The following GDPD2 variants were observed in gnomAD, a reference collection of about 807,000 sequenced individuals.
GDPD2 encodes glycerophosphodiester phosphodiesterase domain containing 2.
GDPD2 carries 23 observed loss-of-function variants against 49.2 expected under a neutral mutation model. That is an observed-to-expected ratio of 0.47 (90% CI 0.34 to 0.66). The LOEUF is 0.66. GDPD2 is among the 30% of genes least tolerant of loss of function. The pLI is 0.01. For missense variants in GDPD2, 338 were observed against 424.7 expected (o/e 0.80, Z 1.79); for synonymous variants, 167 against 171.4 (o/e 0.97, Z 0.20).
intron 12 of GDPD2, 99 bp downstream of exon 12, chrX:70,430,162 C>T: frequency 1.3e-6 from 1 of 767,435 alleles, no homozygotes; most frequent in Middle Eastern, 3.3e-4. Context: ...CATTCACTCA[C>T]ACAAAAAGTA....
chrX:70,430,768 A>G, intron 12 of GDPD2, among the ~76,000 whole-genome samples: 2 of 110,798 alleles, frequency 1.8e-5, no homozygotes, highest in South Asian at 7.8e-4. Flanking sequence ...TAGCCCAGTT[A>G]TCATACATAT....
At chrX:70,432,866 G>C (rs768461260) in intron 14 of GDPD2, 46 bp from the exon 15 acceptor site, 2 of 1,085,436 alleles carry the variant, frequency 1.8e-6, no homozygotes, top group African/African-American at 3.6e-5. Context: ...GGAAGGGCCT[G>C]CTTGAAGCTA....
intron 5 of GDPD2, 22 bp downstream of exon 5, chrX:70,426,133 A>G (rs73216706): frequency 0.076 from 87,164 of 1,147,461 alleles, 2,651 homozygotes; most frequent in Middle Eastern, 0.1. Context: ...ATGGGAGTGC[A>G]TGGGAGAGGG....
intron 1 of GDPD2, among the ~76,000 whole-genome samples, chrX:70,423,700 T>C (rs1048345952): frequency 2.7e-5 from 3 of 110,974 alleles, no homozygotes; most frequent in African/African-American, 9.8e-5. Context: ...AAGGGTCTCG[T>C]AGAGGGGAGG....
At position 70,424,965 on chromosome X, in the gene GDPD2, C is replaced by G; in HGVS notation, c.-9-11C>G. 1 of 1,115,156 alleles carries G rather than the reference C, an allele frequency of 9.0e-7. No individual in the cohort carries two copies. Among genetic ancestry groups the G allele is most frequent in the Non-Finnish European group, 1.2e-6 (1 of 822,271 alleles). The allele number at this position is 1,115,156 out of a possible 1,213,427, so 91.9% of individuals were successfully genotyped here. On this transcript the variant is annotated splice_polypyrimidine_tract_variant and intron_variant, in intron 1 of 15. Transcript: ENST00000374382. ...CCAGGGTCCCTGATGGTCGAGTGTC[C>G]CTTCCCCCAGGCCTTCACCATGGCC... is the stretch of plus-strand genomic sequence containing the variant.
At chrX:70,432,540 C>T in intron 13 of GDPD2, 39 bp from the exon 14 acceptor site, 1 of 1,164,929 alleles carries the variant, frequency 8.6e-7, no homozygotes, top group Non-Finnish European at 1.2e-6. Context: ...CTTATTTCCC[C>T]TGACATTCTA....
At chrX:70,432,270 T>C (rs1239213284) in intron 12 of GDPD2, 37 bp from the exon 13 acceptor site, 13 of 1,167,760 alleles carry the variant, frequency 1.1e-5, no homozygotes, top group Non-Finnish European at 1.5e-5. Context: ...TGCACCATGA[T>C]TCTGGACATT....
At chrX:70,431,083 C>T in intron 12 of GDPD2, 2 of 1,137,336 alleles carry the variant, frequency 1.8e-6, no homozygotes, top group Non-Finnish European at 2.3e-6. Context: ...CCACTGCCCC[C>T]CTCAGCCTCC....
chrX:70,428,297 T>C (rs990996182), intron 10 of GDPD2, among the ~76,000 whole-genome samples: 1 of 112,580 alleles, frequency 8.9e-6, no homozygotes, highest in Non-Finnish European at 1.9e-5. Context: ...CATTATAAAA[T>C]AGGCTTTGTG....
At position 70,429,418 on chromosome X, in the gene GDPD2, T is replaced by A. The variant is rs1334093080; in HGVS notation, c.937-75T>A. The A allele has an allele frequency of 6.5e-6, 4 of 618,999 alleles. No homozygotes were observed. In the Admixed American group the frequency reaches 1.0e-4, roughly 16 times the overall value. The allele number at this position is 618,999 out of a possible 1,213,427, so 51.0% of individuals were successfully genotyped here. On this transcript the variant is annotated intron_variant, in intron 10 of 15. Coordinates refer to ENST00000374382, the MANE Select transcript of GDPD2 (RefSeq NM_017711.4). Reference sequence around the variant, plus strand: ...GAAGCTGGACACCAAGTGGAAGATATGAGTGAAGATAGTGAGGATGGGGGC... The same window carrying A: ...GAAGCTGGACACCAAGTGGAAGATAAGAGTGAAGATAGTGAGGATGGGGGC...
chrX:70,431,162 G>A (rs1389958314), intron 12 of GDPD2: 1 of 1,074,563 alleles, frequency 9.3e-7, no homozygotes, highest in South Asian at 2.0e-5. Context: ...CACCAAAGAG[G>A]AAGACATGAC....
At chrX:70,424,901 C>T in intron 1 of GDPD2, 75 bp from the exon 2 acceptor site, 1 of 666,691 alleles carries the variant, frequency 1.5e-6, no homozygotes, top group Non-Finnish European at 2.3e-6. Flanking sequence ...CCCCGGGCTC[C>T]TCAGATACAC....
chrX:70,425,814 G>A lies in GDPD2; in HGVS notation c.261G>A (p.Leu87=). ...GHWMDWSLAF[L]LVISLLVTYA... is the part of the protein sequence containing the mutation. Reference sequence around the variant, plus strand: ...GGATGGACTGGTCCCTGGCATTCCTGCTGGTCATCTCTCTACTGGTCACAT... The same window carrying A: ...GGATGGACTGGTCCCTGGCATTCCTACTGGTCATCTCTCTACTGGTCACAT... Residue 87 remains leucine (L), a synonymous_variant, in exon 4 of 16, where the codon CTG becomes CTA. Transcript: ENST00000374382. 8.4e-7 allele frequency: 1 copy of A among 1,197,048 alleles called. No homozygotes were observed. Among genetic ancestry groups the A allele is most frequent in the East Asian group, 3.0e-5 (1 of 33,788 alleles).
chrX:70,431,083 C>G lies in GDPD2; in HGVS notation c.1307+1020C>G, dbSNP rs909546876. ...GATTACAGGCCTGAGCCACTGCCCC[C>G]CTCAGCCTCCCGGTTATAAGCATGA... On this transcript the variant is annotated intron_variant, in intron 12 of 15. Transcript: ENST00000374382. 1.9e-5 allele frequency: 21 copies of G among 1,135,037 alleles called. No individual in the cohort carries two copies. Among genetic ancestry groups the G allele is most frequent in the South Asian group, 7.7e-5 (4 of 51,712 alleles). 93.5% of individuals were successfully genotyped at this position (1,135,037 alleles called of 1,213,427 possible).
rs758801643 is a variant in GDPD2 at position 70,432,768 on chromosome X, G to A, written c.1538+107G>A. 1.6e-4 allele frequency: 117 copies of A among 727,549 alleles called. 2 individuals are homozygous for A. In the South Asian group the frequency reaches 2.5e-3, roughly 16 times the overall value. 60.0% of individuals were successfully genotyped at this position (727,549 alleles called of 1,213,427 possible). On this transcript the variant is annotated intron_variant, in intron 14 of 15. Coordinates refer to ENST00000374382, the MANE Select transcript of GDPD2 (RefSeq NM_017711.4). ...CTGCCCAAGGCTTGGGGTCTCTTTA[G>A]TTCCTTTGAGATTCTTAGGCCCTTC... is the stretch of plus-strand genomic sequence containing the variant.
At chrX:70,427,267 T>C (rs770021307) in intron 9 of GDPD2, 46 bp from the exon 10 acceptor site, 3 of 1,202,912 alleles carry the variant, frequency 2.5e-6, no homozygotes, top group South Asian at 1.8e-5. Context: ...AAGGACATGA[T>C]GACCAGCCCC....
intron 1 of GDPD2, among the ~76,000 whole-genome samples, chrX:70,423,832 AC>A (rs1235219412): frequency 1.8e-5 from 2 of 110,824 alleles, no homozygotes; most frequent in Non-Finnish European, 3.8e-5. Flanking sequence ...CCCACTGTGC[AC>A]CCCTCTAAGA....
Position 70,432,952 on chromosome X carries a change from C to T in GDPD2, c.1567+12C>T, listed in dbSNP as rs1569262519. The T allele has an allele frequency of 1.3e-5, 15 of 1,178,593 alleles. No homozygotes were observed. The highest frequency in any genetic ancestry group is 1.7e-5 in the Non-Finnish European group (15 of 865,572). On this transcript the variant is annotated intron_variant, in intron 15 of 15. Transcript: ENST00000374382. The stretch of plus-strand genomic sequence containing the variant: ...GAGAGGGAAAACTGGTAAGAACTTT[C>T]TCCCCTCACCTCATGTTTCTCCTCC...
intron 12 of GDPD2, 23 bp downstream of exon 12, chrX:70,430,086 C>T: frequency 1.7e-6 from 2 of 1,171,347 alleles, no homozygotes; most frequent in Non-Finnish European, 2.3e-6. Flanking sequence ...GGAAAGGAAC[C>T]AAGGGGATCA....
Sources: allele counts gnomAD v4.1 joint callset (sites outside exome capture counted in the v4.1 genomes callset), GRCh38; gene constraint gnomAD v4.1.1; transcripts MANE v1.5; gene names NCBI Gene and HGNC (gene_info 2026-07-23, HGNC 2026-07-21).